The following GANC variants were observed in gnomAD, a reference collection of about 807,000 sequenced individuals.
GANC encodes the protein glucosidase alpha, neutral C, also known as neutral alpha-glucosidase C.
GANC carries 117 observed loss-of-function variants against 124.2 expected under a neutral mutation model. That is an observed-to-expected ratio of 0.94 (90% CI 0.81 to 1.10). The LOEUF (loss-of-function observed/expected upper bound fraction) is 1.10, where lower values mean the gene tolerates loss of function less well. Among genes scored for constraint, GANC ranks in the 50% least tolerant of loss-of-function variants. GANC has a pLI of 0.00. For synonymous variants in GANC, 377 were observed against 376.8 expected (o/e 1.00, Z -0.01); for missense variants, 1,140 against 1,095.0 (o/e 1.04, Z -0.58).
At chr15:42,343,529 A>G (rs1484564003) in intron 19 of GANC, 1 of 181,088 alleles carries the variant, frequency 5.5e-6, no homozygotes, top group Non-Finnish European at 1.2e-5. Flanking sequence ...GTCTGGCTCT[A>G]TCTGAAGCCT....
chr15:42,310,377 G>A lies in GANC; in HGVS notation c.817G>A (p.Ala273Thr). 6.2e-7 allele frequency: 1 copy of A among 1,613,856 alleles called. No individual in the cohort carries two copies. ...TTATGGTTCAGTACCTTATCTCCTG[G>A]CCCACAAACTGGGCAGAACTATAGG... ...GIYGSVPYLL[A>T]HKLGRTIGIF... The change falls in exon 9 of 24, where the codon GCC becomes ACC. Residue 273 changes from alanine (A) to threonine (T), a missense_variant. Physicochemically the swap from Ala to Thr is moderately conservative, Grantham distance 58. Coordinates refer to ENST00000318010, the MANE Select transcript of GANC (RefSeq NM_198141.3).
rs184056154 is a variant in GANC, at chr15:42,301,984, C to T, written c.558+4328C>T. On this transcript the variant is annotated intron_variant, in intron 6 of 23. Transcript: ENST00000318010. ...CTGAAGAGAGCAGCGGGTCTCCCAG[C>T]ACAGTGCTCGAGCTCTGCTAAGGGA... 1.3e-3 allele frequency among the ~76,000 whole-genome samples: 195 copies of T among 152,340 alleles called. 1 individual carries two copies. The highest frequency in any genetic ancestry group is 2.5e-3 in the Non-Finnish European group (169 of 68,020).
At chr15:42,326,495 C>A in intron 12 of GANC, 71 bp downstream of exon 12, 1 of 1,601,880 alleles carries the variant, frequency 6.2e-7, no homozygotes, top group Non-Finnish European at 8.5e-7. Flanking sequence ...GCGTGGTCAT[C>A]ATTCTGCTCC....
At chr15:42,309,162 T>A (rs777290900) in intron 8 of GANC, among the ~76,000 whole-genome samples, 5 of 152,140 alleles carry the variant, frequency 3.3e-5, no homozygotes, top group Non-Finnish European at 7.4e-5. Context: ...CAGAGTCTGA[T>A]AAGATTGCCA....
chr15:42,288,623 T>G (rs907231749), intron 4 of GANC, among the ~76,000 whole-genome samples: 6 of 152,230 alleles, frequency 3.9e-5, no homozygotes, highest in African/African-American at 1.4e-4. Context: ...ATCAAAAGTT[T>G]AAAATATATC....
At chr15:42,281,055 C>G (rs1458232886) in intron 3 of GANC, 3 of 702,442 alleles carry the variant, frequency 4.3e-6, no homozygotes, top group South Asian at 3.0e-5. Context: ...TAAACAAGGA[C>G]AAATTACCTG....
chr15:42,352,280 T>G lies in GANC; in HGVS notation c.*141T>G. On this transcript the variant is annotated 3_prime_UTR_variant, in exon 24 of 24. Transcript: ENST00000318010. ...CTTTCATTCGTCACCATTATACTAA[T>G]GAACAATAGATTTCATGTTTCAAAA... The G allele has an allele frequency of 6.9e-7, 1 of 1,446,042 alleles. No homozygotes were observed. The allele number at this position is 1,446,042 out of a possible 1,614,324, so 89.6% of individuals were successfully genotyped here.
At chr15:42,333,341 A>AT (rs996585329) in intron 15 of GANC, among the ~76,000 whole-genome samples, 59 of 150,528 alleles carry the variant, frequency 3.9e-4, no homozygotes, top group African/African-American at 1.2e-3. Context: ...AAAAAAAAGA[A>AT]TTTTTTTTTT....
chr15:42,308,638 C>T (rs2052021424), intron 8 of GANC, among the ~76,000 whole-genome samples: 1 of 152,130 alleles, frequency 6.6e-6, no homozygotes, highest in South Asian at 2.1e-4. Context: ...CACCTGTCAC[C>T]ACGCCTGGCT....
chr15:42,291,410 G>A (rs953936768), intron 4 of GANC, among the ~76,000 whole-genome samples: 6 of 152,194 alleles, frequency 3.9e-5, no homozygotes, highest in African/African-American at 1.4e-4. Context: ...GCATGGTGTA[G>A]AGGAAATGAT....
At chr15:42,340,907 A>G (rs1290979781) in intron 18 of GANC, among the ~76,000 whole-genome samples, 153 bp downstream of exon 18, 1 of 151,646 alleles carries the variant, frequency 6.6e-6, no homozygotes, top group African/African-American at 2.4e-5. Flanking sequence ...CTGGGATTAC[A>G]GGTGCCCGCC....
At chr15:42,277,014 C>T (rs1481905077) in intron 2 of GANC, among the ~76,000 whole-genome samples, 1 of 152,080 alleles carries the variant, frequency 6.6e-6, no homozygotes, top group African/African-American at 2.4e-5. Flanking sequence ...CAGTCTGTCT[C>T]TTATTGCTAG....
At chr15:42,342,914 G>A (rs913368569) in intron 18 of GANC, among the ~76,000 whole-genome samples, 164 bp from the exon 19 acceptor site, 2 of 152,168 alleles carry the variant, frequency 1.3e-5, no homozygotes, top group African/African-American at 4.8e-5. Context: ...CTTTCTATCA[G>A]TGCATCTCTC....
chr15:42,345,706 G>T, intron 19 of GANC, 52 bp from the exon 20 acceptor site: 3 of 1,052,162 alleles, frequency 2.9e-6, no homozygotes, highest in Non-Finnish European at 4.4e-6. Flanking sequence ...TAATGAAATG[G>T]TGAGCAGAGT....
rs200635553 is a variant in GANC at position 42,310,856 on chromosome 15, C to T, written c.1057+10C>T. 3,690 of 1,604,242 alleles carry T rather than the reference C, an allele frequency of 2.3e-3. 114 individuals are homozygous for T. The South Asian group carries it at 0.037, about 16-fold the overall frequency. ...TACTCACACCTTACAGGTATTTGCACGAAGAAGTGCCAGTTTCTTGTTCTG... is the reference window on the plus strand; with the variant it reads ...TACTCACACCTTACAGGTATTTGCATGAAGAAGTGCCAGTTTCTTGTTCTG... On this transcript the variant is annotated intron_variant, in intron 10 of 23. Coordinates refer to ENST00000318010, the MANE Select transcript of GANC (RefSeq NM_198141.3).
At chr15:42,345,306 C>A (rs1486097394) in intron 19 of GANC, among the ~76,000 whole-genome samples, 1 of 150,648 alleles carries the variant, frequency 6.6e-6, no homozygotes, top group Non-Finnish European at 1.5e-5. Context: ...TTTTCTCCTG[C>A]CTCTTTTGTA....
At chr15:42,299,175 A>G (rs539356195) in intron 6 of GANC, among the ~76,000 whole-genome samples, 2 of 152,286 alleles carry the variant, frequency 1.3e-5, no homozygotes, top group South Asian at 2.1e-4. Flanking sequence ...GCTTTTGCCC[A>G]TTCAGTGTGA....
intron 18 of GANC, among the ~76,000 whole-genome samples, chr15:42,341,760 C>T (rs112713858): frequency 0.06 from 9,137 of 152,106 alleles, 388 homozygotes; most frequent in South Asian, 0.16. Flanking sequence ...GATGGGGTTT[C>T]GTCTTGCTGC....
intron 15 of GANC, among the ~76,000 whole-genome samples, chr15:42,337,563 A>G (rs1327508755): frequency 2.0e-5 from 3 of 152,136 alleles, no homozygotes; most frequent in Non-Finnish European, 2.9e-5. Flanking sequence ...ACCTGAGAAT[A>G]GAGGGTGGGA....
Sources: allele counts gnomAD v4.1 joint callset (sites outside exome capture counted in the v4.1 genomes callset), GRCh38; gene constraint gnomAD v4.1.1; transcripts MANE v1.5; gene names NCBI Gene and HGNC (gene_info 2026-07-23, HGNC 2026-07-21).